Variants in SLC24A2 observed in about 807,000 individuals in gnomAD.
SLC24A2 encodes the protein sodium/potassium/calcium exchanger 2.
In SLC24A2, 36 loss-of-function variants were observed where a neutral mutation model predicts 62.0. That is an observed-to-expected ratio of 0.58 (90% CI 0.44 to 0.77). The LOEUF is 0.77. Ranked by LOEUF, SLC24A2 falls within the 30% of genes least tolerant of loss-of-function variation. The pLI is 0.00. For synonymous variants in SLC24A2, 358 were observed against 294.0 expected (o/e 1.22, Z -2.23); for missense variants, 846 against 817.9 (o/e 1.03, Z -0.42).
At chr9:19,700,843 T>C (rs948727577) in intron 2 of SLC24A2, among the ~76,000 whole-genome samples, 3 of 152,296 alleles carry the variant, frequency 2.0e-5, no homozygotes, top group Admixed American at 6.5e-5. Flanking sequence ...TTCTCCATTT[T>C]CAAATCAATT....
At chr9:20,155,962 G>C in the SLC24A2 span, among the ~76,000 whole-genome samples, 1 of 151,640 alleles carries the variant, frequency 6.6e-6, no homozygotes, top group African/African-American at 2.4e-5. Flanking sequence ...ATTTAAAATT[G>C]TCATGCATTA....
chr9:19,557,029 C>T (rs1051115869), intron 7 of SLC24A2, among the ~76,000 whole-genome samples: 6 of 152,150 alleles, frequency 3.9e-5, no homozygotes, highest in Non-Finnish European at 7.3e-5. Flanking sequence ...AGGTCCTGTC[C>T]TTGAGACCAG....
At chr9:19,706,475 G>C (rs1284899914) in intron 2 of SLC24A2, among the ~76,000 whole-genome samples, 199 of 151,540 alleles carry the variant, frequency 1.3e-3, no homozygotes, top group Non-Finnish European at 2.4e-4. Context: ...CGCCTCCCGG[G>C]TTCACGCCAT....
the SLC24A2 span, among the ~76,000 whole-genome samples, chr9:20,290,207 A>C: frequency 1.6e-4 from 24 of 152,334 alleles, no homozygotes; most frequent in South Asian, 2.3e-3. Flanking sequence ...AAGCAGGATA[A>C]GGCTGAACTC....
chr9:19,769,869 G>C (rs930800514), intron 2 of SLC24A2, among the ~76,000 whole-genome samples: 4 of 151,982 alleles, frequency 2.6e-5, no homozygotes, highest in African/African-American at 9.7e-5. Context: ...TGTGTCTGTG[G>C]GGGGTTGCCT....
chr9:19,603,308 C>T (rs1194890603), intron 4 of SLC24A2, among the ~76,000 whole-genome samples: 1 of 152,078 alleles, frequency 6.6e-6, no homozygotes, highest in Admixed American at 6.6e-5. Flanking sequence ...TCATTAAATC[C>T]TATCAATTCT....
chr9:19,905,032 A>G, the SLC24A2 span, among the ~76,000 whole-genome samples: 1 of 152,158 alleles, frequency 6.6e-6, no homozygotes, highest in East Asian at 1.9e-4. Flanking sequence ...TGAAAATTAG[A>G]TTTTTTGTTG....
the SLC24A2 span, among the ~76,000 whole-genome samples, chr9:20,128,605 G>T: frequency 6.6e-6 from 1 of 152,076 alleles, no homozygotes; most frequent in Non-Finnish European, 1.5e-5. Flanking sequence ...GAATATATTT[G>T]TAGTGTGAAG....
intron 8 of SLC24A2, among the ~76,000 whole-genome samples, chr9:19,544,167 C>G (rs1008441474): frequency 1.1e-4 from 16 of 151,996 alleles, no homozygotes; most frequent in African/African-American, 3.9e-4. Context: ...TGCATTGATC[C>G]CTTTACCATT....
chr9:19,528,007 G>T, intron 9 of SLC24A2, 42 bp downstream of exon 9: 1 of 1,213,156 alleles, frequency 8.2e-7, no homozygotes, highest in Non-Finnish European at 1.2e-6. Context: ...AATCAGGACT[G>T]GAGAAAAACA....
the SLC24A2 span, among the ~76,000 whole-genome samples, chr9:19,907,963 T>A: frequency 1.3e-5 from 2 of 152,122 alleles, no homozygotes; most frequent in Admixed American, 6.6e-5. Context: ...ATGACTTTCT[T>A]CACAGAATTG....
the SLC24A2 span, among the ~76,000 whole-genome samples, chr9:20,053,908 T>C: frequency 6.6e-6 from 1 of 152,218 alleles, no homozygotes; most frequent in Non-Finnish European, 1.5e-5. Context: ...TGCTTTCCAA[T>C]TCCCCATTGT....
chr9:19,636,294 CTTTTCTT>C (rs1818317279), intron 2 of SLC24A2, among the ~76,000 whole-genome samples: 10 of 44,498 alleles, frequency 2.2e-4, no homozygotes, highest in Admixed American at 5.8e-4. Flanking sequence ...CTCTTCTTTT[CTTTTCTT>C]TTCTTTTCTT....
chr9:19,618,451 A>G (rs1817824480), intron 4 of SLC24A2, among the ~76,000 whole-genome samples: 1 of 152,198 alleles, frequency 6.6e-6, no homozygotes, highest in African/African-American at 2.4e-5. Context: ...TCTCTGTGGT[A>G]TAACAGGAAG....
the SLC24A2 span, among the ~76,000 whole-genome samples, chr9:19,851,167 G>T: frequency 6.7e-6 from 1 of 148,938 alleles, no homozygotes; most frequent in Non-Finnish European, 1.5e-5. Flanking sequence ...GGGATTGTAG[G>T]AGCCCACCAC....
the SLC24A2 span, among the ~76,000 whole-genome samples, chr9:20,141,831 C>T: frequency 2.7e-4 from 41 of 152,270 alleles, no homozygotes; most frequent in African/African-American, 9.1e-4. Context: ...CGCCTGTAAT[C>T]CCAGCATTTG....
At chr9:19,542,567 G>T (rs1385272516) in intron 8 of SLC24A2, among the ~76,000 whole-genome samples, 2 of 152,150 alleles carry the variant, frequency 1.3e-5, no homozygotes, top group Non-Finnish European at 2.9e-5. Flanking sequence ...TACGATATTG[G>T]CTATGGGTTT....
the SLC24A2 span, among the ~76,000 whole-genome samples, chr9:20,078,526 C>T: frequency 1.3e-5 from 2 of 152,208 alleles, no homozygotes; most frequent in Non-Finnish European, 2.9e-5. Context: ...CACCCTTCCA[C>T]AAACCAGAAA....
intron 2 of SLC24A2, among the ~76,000 whole-genome samples, chr9:19,719,633 A>G (rs73430094): frequency 0.018 from 2,809 of 152,314 alleles, 79 homozygotes; most frequent in African/African-American, 0.062. Context: ...GCACTTAGGA[A>G]TTTATGGAAA....
Sources: allele counts gnomAD v4.1 joint callset (sites outside exome capture counted in the v4.1 genomes callset), GRCh38; gene constraint gnomAD v4.1.1; transcripts MANE v1.5; gene names NCBI Gene and HGNC (gene_info 2026-07-23, HGNC 2026-07-21).